The following NRG1 variants were observed in gnomAD, a reference collection of about 807,000 sequenced individuals.
The protein encoded by NRG1 is neuregulin 1, also known as pro-neuregulin-1, membrane-bound isoform.
A neutral mutation model predicts 63.8 loss-of-function variants in NRG1; 18 were observed. That is an observed-to-expected ratio of 0.28 (90% CI 0.19 to 0.42). The LOEUF (loss-of-function observed/expected upper bound fraction) is 0.42, where lower values mean the gene tolerates loss of function less well. Among genes scored for constraint, NRG1 ranks in the 10% least tolerant of loss-of-function variants. The pLI is 1.00. For missense variants in NRG1, 762 were observed against 814.7 expected (o/e 0.94, Z 0.79); for synonymous variants, 302 against 301.3 (o/e 1.00, Z -0.02).
chr8:32,012,651 C>T (rs983487428), intron 1 of NRG1, among the ~76,000 whole-genome samples: 9 of 151,962 alleles, frequency 5.9e-5, no homozygotes, highest in African/African-American at 1.9e-4. Flanking sequence ...TGGGAGAAAA[C>T]GTAGCTTCCT....
At chr8:32,069,508 T>C (rs1223341974) in intron 1 of NRG1, among the ~76,000 whole-genome samples, 1 of 152,124 alleles carries the variant, frequency 6.6e-6, no homozygotes, top group Non-Finnish European at 1.5e-5. Flanking sequence ...GTTGATGAAC[T>C]GGGTGGGTGT....
chr8:31,771,265 CT>C (rs1586289022), intron 1 of NRG1, among the ~76,000 whole-genome samples: 2 of 152,184 alleles, frequency 1.3e-5, no homozygotes, highest in East Asian at 1.9e-4. Context: ...TTGAGATTGA[CT>C]TTTTTTCCCA....
chr8:31,967,027 A>G lies in NRG1; in HGVS notation c.37+327596A>G, dbSNP rs372969356. 1.5e-4 allele frequency among the ~76,000 whole-genome samples: 23 copies of G among 152,240 alleles called. No individual in the cohort carries two copies. The East Asian group carries it at 3.3e-3, about 22-fold the overall frequency. On this transcript the variant is annotated intron_variant, in intron 1 of 10. Coordinates refer to the NRG1 transcript ENST00000519301. ...CTCTTCTAATTATGTTTTGTTTGGG[A>G]TCATATTAAAATTAACTTGTATTTA...
chr8:32,390,589 C>T (rs1008506496), intron 1 of NRG1, among the ~76,000 whole-genome samples: 21 of 130,764 alleles, frequency 1.6e-4, no homozygotes, highest in Middle Eastern at 3.8e-3. Flanking sequence ...GGCAACAGAG[C>T]GAGACCCTGT....
chr8:32,548,669 T>G, exon 1 of NRG1: 3 of 1,535,016 alleles, frequency 2.0e-6, no homozygotes. Flanking sequence ...TCCGAGCCCT[T>G]GGACCAAACT....
chr8:32,523,457 G>T (rs1443124913), intron 1 of NRG1, among the ~76,000 whole-genome samples: 3 of 152,154 alleles, frequency 2.0e-5, no homozygotes, highest in African/African-American at 7.2e-5. Flanking sequence ...ATTTTTAAAA[G>T]AGTTTATTTA....
intron 1 of NRG1, among the ~76,000 whole-genome samples, chr8:32,047,884 T>C (rs950780372): frequency 6.6e-6 from 1 of 151,910 alleles, no homozygotes; most frequent in Admixed American, 6.6e-5. Flanking sequence ...TAACTGAAAT[T>C]ATGTATCCTT....
At chr8:32,522,684 T>C (rs1011948970) in intron 1 of NRG1, among the ~76,000 whole-genome samples, 10 of 152,246 alleles carry the variant, frequency 6.6e-5, no homozygotes, top group African/African-American at 1.9e-4. Context: ...CTCCCTTTCT[T>C]GTTTCTTTCC....
intron 1 of NRG1, among the ~76,000 whole-genome samples, chr8:31,940,302 T>C (rs775139371): frequency 1.3e-5 from 2 of 152,182 alleles, no homozygotes; most frequent in African/African-American, 2.4e-5. Flanking sequence ...TGAATGATCA[T>C]TGAGTCAACA....
chr8:32,738,815 G>A (rs1825718086), intron 6 of NRG1, among the ~76,000 whole-genome samples: 1 of 152,110 alleles, frequency 6.6e-6, no homozygotes, highest in African/African-American at 2.4e-5. Flanking sequence ...CATCTCATTT[G>A]GCAACAAATT....
At chr8:31,987,209 A>G (rs1055638342) in intron 1 of NRG1, among the ~76,000 whole-genome samples, 5 of 151,782 alleles carry the variant, frequency 3.3e-5, no homozygotes, top group African/African-American at 1.2e-4. Context: ...CTGAGGCAGA[A>G]GAATTGCTTG....
At position 31,783,636 on chromosome 8, in the gene NRG1, C is replaced by T. The variant is rs551662674; in HGVS notation, c.37+144205C>T. Among the ~76,000 whole-genome samples, 222 of 151,808 alleles carry T rather than the reference C, an allele frequency of 1.5e-3. 1 individual carries two copies. The highest frequency in any genetic ancestry group is 5.2e-3 in the African/African-American group (217 of 41,458). ...AAAAAAAACAAAAAACACAACAGCC[C>T]ATCAAGAGCTGCATAGCTTTTCAGT... On this transcript the variant is annotated intron_variant, in intron 1 of 10. Coordinates refer to the NRG1 transcript ENST00000519301.
At chr8:32,730,310 G>C (rs985649821) in intron 6 of NRG1, among the ~76,000 whole-genome samples, 2 of 151,908 alleles carry the variant, frequency 1.3e-5, no homozygotes, top group African/African-American at 4.8e-5. Flanking sequence ...ATAATTAGCC[G>C]GGCATGGTGG....
intron 1 of NRG1, among the ~76,000 whole-genome samples, chr8:31,744,310 T>C (rs2131418081): frequency 6.6e-6 from 1 of 152,154 alleles, no homozygotes; most frequent in East Asian, 1.9e-4. Flanking sequence ...ACGTCTTTGC[T>C]TCATGATACG....
chr8:31,820,598 C>A, intron 1 of NRG1, among the ~76,000 whole-genome samples: 1 of 152,130 alleles, frequency 6.6e-6, no homozygotes, highest in African/African-American at 2.4e-5. Context: ...ATCAATAGTA[C>A]CTAGTACATT....
At chr8:32,496,516 G>A (rs934310971) in intron 1 of NRG1, among the ~76,000 whole-genome samples, 3 of 152,168 alleles carry the variant, frequency 2.0e-5, no homozygotes, top group Non-Finnish European at 4.4e-5. Context: ...CTTAAGCCCA[G>A]GATGTCAAGA....
At chr8:32,254,725 C>G (rs1849489419) in intron 1 of NRG1, among the ~76,000 whole-genome samples, 1 of 152,104 alleles carries the variant, frequency 6.6e-6, no homozygotes, top group Non-Finnish European at 1.5e-5. Context: ...ATGGAATATC[C>G]TTGTTAATTT....
chr8:32,770,716 A>C (rs898061421), downstream of NRG1, among the ~76,000 whole-genome samples: 1 of 152,196 alleles, frequency 6.6e-6, no homozygotes, highest in Non-Finnish European at 1.5e-5. Context: ...ATTTGTGGTC[A>C]AAGCACTCTC....
intron 1 of NRG1, among the ~76,000 whole-genome samples, chr8:31,947,072 G>A (rs1177101198): frequency 2.0e-5 from 3 of 151,378 alleles, no homozygotes; most frequent in Admixed American, 6.6e-5. Flanking sequence ...AGGCCGAGGC[G>A]GGTGGATCAT....
Sources: allele counts gnomAD v4.1 joint callset (sites outside exome capture counted in the v4.1 genomes callset), GRCh38; gene constraint gnomAD v4.1.1; transcripts MANE v1.5; gene names NCBI Gene and HGNC (gene_info 2026-07-23, HGNC 2026-07-21).